Variants in KCNJ6 observed in about 807,000 individuals in gnomAD.
The protein encoded by KCNJ6 is potassium inwardly rectifying channel subfamily J member 6, also known as G protein-activated inward rectifier potassium channel 2.
A neutral mutation model predicts 34.2 loss-of-function variants in KCNJ6; 9 were observed. That is an observed-to-expected ratio of 0.26 (90% CI 0.16 to 0.46). The LOEUF is 0.46. KCNJ6 is among the 20% of genes least tolerant of loss of function. KCNJ6 has a pLI of 1.00. For synonymous variants in KCNJ6, 196 were observed against 207.1 expected (o/e 0.95, Z 0.46); for missense variants, 236 against 531.3 (o/e 0.44, Z 5.46).
Position 37,623,992 on chromosome 21 carries a change from T to C in KCNJ6, c.*1167A>G, listed in dbSNP as rs1406740694. 1 of 152,208 alleles carries C rather than the reference T, an allele frequency of 6.6e-6. No homozygotes were observed. The highest frequency in any genetic ancestry group is 6.5e-5 in the Admixed American group (1 of 15,280). 9.4% of individuals were successfully genotyped at this position (152,208 alleles called of 1,614,324 possible). On this transcript the variant is annotated 3_prime_UTR_variant, in exon 4 of 4. Coordinates refer to ENST00000609713, the MANE Select transcript of KCNJ6 (RefSeq NM_002240.5). ...AGACCCAAACCATCTTCTGCTAACT[T>C]ACCATGTCTCATTGTAAGAGTGTAG...
At chr21:37,893,688 T>A (rs947698719) in intron 1 of KCNJ6, among the ~76,000 whole-genome samples, 1 of 143,246 alleles carries the variant, frequency 7.0e-6, no homozygotes, top group African/African-American at 2.6e-5. Flanking sequence ...TTTTTGACAT[T>A]TCTGTCCAAC....
chr21:37,744,332 T>A (rs1172303226), intron 2 of KCNJ6, among the ~76,000 whole-genome samples: 3 of 151,778 alleles, frequency 2.0e-5, no homozygotes, highest in African/African-American at 7.3e-5. Flanking sequence ...ATAAAAAAAA[T>A]GGATAGTATA....
At chr21:37,860,715 C>T (rs946400457) in intron 1 of KCNJ6, among the ~76,000 whole-genome samples, 12 of 152,132 alleles carry the variant, frequency 7.9e-5, no homozygotes, top group Non-Finnish European at 1.8e-4. Context: ...CACTACCCCC[C>T]TGGAGTGGCT....
chr21:37,902,372 T>C (rs2055821134), intron 1 of KCNJ6, among the ~76,000 whole-genome samples: 1 of 152,210 alleles, frequency 6.6e-6, no homozygotes, highest in Non-Finnish European at 1.5e-5. Context: ...CTCTTTCCCA[T>C]GTGACATCTC....
intron 1 of KCNJ6, among the ~76,000 whole-genome samples, chr21:37,842,702 C>T (rs1057327792): frequency 7.3e-5 from 11 of 150,056 alleles, no homozygotes; most frequent in Non-Finnish European, 1.3e-4. Context: ...CGTCACAGAG[C>T]TGAATAAGAC....
intron 3 of KCNJ6, among the ~76,000 whole-genome samples, chr21:37,701,393 T>G (rs201662461): frequency 0.015 from 1,677 of 108,250 alleles, 15 homozygotes; most frequent in Middle Eastern, 0.027. Flanking sequence ...CAGGTTAACT[T>G]TTTGTGTGTG....
At chr21:37,912,032 A>G (rs2055869225) in intron 1 of KCNJ6, among the ~76,000 whole-genome samples, 1 of 152,244 alleles carries the variant, frequency 6.6e-6, no homozygotes, top group Non-Finnish European at 1.5e-5. Context: ...AAAATAGTTC[A>G]TGTAAGTCCT....
intron 2 of KCNJ6, among the ~76,000 whole-genome samples, chr21:37,803,538 A>G (rs550342415): frequency 1.3e-5 from 2 of 152,290 alleles, no homozygotes; most frequent in South Asian, 4.1e-4. Context: ...TTCTTAGGAC[A>G]GTGTTGGACA....
At chr21:37,901,370 G>A (rs530349882) in intron 1 of KCNJ6, among the ~76,000 whole-genome samples, 8 of 141,244 alleles carry the variant, frequency 5.7e-5, no homozygotes, top group Admixed American at 1.5e-4. Context: ...CATTTCTATC[G>A]GTGAAATTTC....
chr21:37,629,068 C>T (rs974496255), intron 3 of KCNJ6, among the ~76,000 whole-genome samples: 1 of 152,044 alleles, frequency 6.6e-6, no homozygotes, highest in African/African-American at 2.4e-5. Flanking sequence ...TAAAAAGACA[C>T]TAGATAGTAA....
In KCNJ6 at chr21:37,693,935, T is replaced by A. The variant is rs370591288; in HGVS notation, c.946+20276A>T. ...ATTCAATTATTTACCATTTTTTTTT[T>A]AAAAAAAACAAACATTGGAACAAAT... On this transcript the variant is annotated intron_variant, in intron 3 of 3. Transcript: ENST00000609713. Among the ~76,000 whole-genome samples the A allele has an allele frequency of 7.5e-4, 109 of 144,684 alleles. 1 individual carries two copies. The highest frequency in any genetic ancestry group is 1.7e-3 in the East Asian group (8 of 4,832). 94.9% of individuals were successfully genotyped at this position (144,684 alleles called of 152,430 possible).
intron 1 of KCNJ6, among the ~76,000 whole-genome samples, chr21:37,842,460 G>A (rs117851043): frequency 6.6e-6 from 1 of 152,148 alleles, no homozygotes; most frequent in Admixed American, 6.5e-5. Flanking sequence ...AAACAACTTC[G>A]CACATGGCAA....
At chr21:37,870,171 A>T (rs1432314493) in intron 1 of KCNJ6, among the ~76,000 whole-genome samples, 1 of 152,158 alleles carries the variant, frequency 6.6e-6, no homozygotes, top group Non-Finnish European at 1.5e-5. Context: ...TGTATGTTGC[A>T]ATGACCAGGA....
chr21:37,677,896 T>A lies in KCNJ6; in HGVS notation c.946+36315A>T, dbSNP rs571955291. On this transcript the variant is annotated intron_variant, in intron 3 of 3. Coordinates refer to ENST00000609713, the MANE Select transcript of KCNJ6 (RefSeq NM_002240.5). ...ACACACCCTTCTGTTCACTCATTCA[T>A]ACAGCCAGCCAACAATCCATTCATC... Among the ~76,000 whole-genome samples the A allele has an allele frequency of 7.9e-4, 120 of 151,754 alleles. 2 individuals carry two copies. Among genetic ancestry groups the A allele is most frequent in the Non-Finnish European group, 1.5e-3 (99 of 67,962 alleles).
intron 3 of KCNJ6, among the ~76,000 whole-genome samples, chr21:37,693,513 C>T (rs1016452182): frequency 1.3e-5 from 2 of 152,052 alleles, no homozygotes; most frequent in African/African-American, 2.4e-5. Flanking sequence ...CAGGGGCCAC[C>T]GTACGCCCCT....
intron 2 of KCNJ6, among the ~76,000 whole-genome samples, chr21:37,823,175 C>T (rs548124575): frequency 5.3e-5 from 8 of 152,280 alleles, no homozygotes; most frequent in East Asian, 1.9e-4. Context: ...CCAGCCCCCA[C>T]GGCCACCCCA....
intron 1 of KCNJ6, among the ~76,000 whole-genome samples, chr21:37,868,947 TCA>T (rs1300980578): frequency 6.6e-6 from 1 of 152,236 alleles, no homozygotes; most frequent in Non-Finnish European, 1.5e-5. Context: ...GGTGTTTCAC[TCA>T]CAGTTTAGAA....
chr21:37,756,688 C>T (rs76614543), intron 2 of KCNJ6, among the ~76,000 whole-genome samples: 4,852 of 104,068 alleles, frequency 0.047, 6 homozygotes, highest in African/African-American at 0.068. Flanking sequence ...TCCCTCACAG[C>T]GTGATGATTC....
intron 3 of KCNJ6, among the ~76,000 whole-genome samples, chr21:37,645,035 T>TTG (rs2054397881): frequency 1.4e-5 from 2 of 142,958 alleles, no homozygotes; most frequent in Admixed American, 6.9e-5. Flanking sequence ...TTTTTTTTTT[T>TTG]GTGAAAAAAC....
Sources: allele counts gnomAD v4.1 joint callset (sites outside exome capture counted in the v4.1 genomes callset), GRCh38; gene constraint gnomAD v4.1.1; transcripts MANE v1.5; gene names NCBI Gene and HGNC (gene_info 2026-07-23, HGNC 2026-07-21).